BTBD9: variants seen among roughly 807,000 people sequenced by gnomAD.
BTBD9 encodes the protein BTB/POZ domain-containing protein 9.
In BTBD9, 49 loss-of-function variants were observed where a neutral mutation model predicts 64.3. The ratio of observed to expected loss-of-function variants is 0.76; its 90% CI spans 0.61 to 0.97. BTBD9 has a LOEUF of 0.97. BTBD9 is among the 50% of genes least tolerant of loss of function. BTBD9 has a pLI of 0.00. For missense variants in BTBD9, 598 were observed against 762.1 expected (o/e 0.78, Z 2.53); for synonymous variants, 260 against 274.7 (o/e 0.95, Z 0.53).
intron 6 of BTBD9, among the ~76,000 whole-genome samples, chr6:38,549,960 A>G (rs1774725064): frequency 6.6e-6 from 1 of 152,106 alleles, no homozygotes; most frequent in Non-Finnish European, 1.5e-5. Flanking sequence ...CTTGGCTTTC[A>G]AGAAACTATC....
intron 6 of BTBD9, among the ~76,000 whole-genome samples, chr6:38,421,861 A>G (rs538245975): frequency 1.5e-4 from 23 of 152,350 alleles, no homozygotes; most frequent in African/African-American, 5.3e-4. Flanking sequence ...TGGAGAGTAT[A>G]AATATGAAAT....
chr6:38,184,671 C>T lies in BTBD9; in HGVS notation c.1641+7848G>A, dbSNP rs939504385. Among the ~76,000 whole-genome samples the T allele has an allele frequency of 5.3e-5, 8 of 152,120 alleles. 1 individual carries two copies. The highest frequency in any genetic ancestry group is 8.8e-5 in the Non-Finnish European group (6 of 68,012). On this transcript the variant is annotated intron_variant, in intron 10 of 10. Coordinates refer to ENST00000481247, the MANE Select transcript of BTBD9 (RefSeq NM_001099272.2). This position sits in a 1 kb window ranked among gnomAD's most constrained non-coding sequence, Gnocchi z 4.4. Reference sequence around the variant, plus strand: ...ACGATGGTCCTCTGGAGGATGCTGCCGGGGAAATCCTCGGGGGGCCAGAGA... The same window carrying T: ...ACGATGGTCCTCTGGAGGATGCTGCTGGGGAAATCCTCGGGGGGCCAGAGA...
In BTBD9 at chr6:38,435,359, G is replaced by C. The variant is rs1257692554; in HGVS notation, c.1155-90266C>G. 4.0e-5 allele frequency among the ~76,000 whole-genome samples: 6 copies of C among 151,330 alleles called. 1 individual carries two copies. Among genetic ancestry groups the C allele is most frequent in the African/African-American group, 1.5e-4 (6 of 40,868 alleles). ...CTACTAAAAATACAAAAATTAGCCC[G>C]GTGTGGTGGCGGTGCCTGTAATCCC... On this transcript the variant is annotated intron_variant, in intron 6 of 10. Transcript: ENST00000481247.
chr6:38,411,945 G>A (rs1767445061), intron 6 of BTBD9, among the ~76,000 whole-genome samples: 1 of 151,712 alleles, frequency 6.6e-6, no homozygotes, highest in Admixed American at 6.6e-5. Flanking sequence ...ATATATATGT[G>A]TACACACATA....
chr6:38,288,182 T>C lies in BTBD9; in HGVS notation c.1454+90A>G, dbSNP rs776514918. On this transcript the variant is annotated intron_variant, in intron 8 of 10. Transcript: ENST00000481247. ...GCAAAGAACAGTAGAATTTCTTCAC[T>C]GAAGTTATTAGGATTATCATTTTAC... 7.6e-6 allele frequency: 10 copies of C among 1,319,558 alleles called. No homozygotes were observed. In the Admixed American group the frequency reaches 1.7e-4, roughly 22 times the overall value. 81.7% of individuals were successfully genotyped at this position (1,319,558 alleles called of 1,614,324 possible). A position where few individuals can be genotyped will look rare whatever the true frequency, so the allele number is the denominator to read the frequency against.
At chr6:38,600,681 T>C (rs1739631) in intron 1 of BTBD9, among the ~76,000 whole-genome samples, 101,709 of 151,488 alleles carry the variant, frequency 0.67, 34,797 homozygotes, top group African/African-American at 0.82. Flanking sequence ...AATATTTTAT[T>C]GAGGTCATGG....
At chr6:38,272,404 T>G (rs916030075) in intron 8 of BTBD9, among the ~76,000 whole-genome samples, 5 of 152,306 alleles carry the variant, frequency 3.3e-5, no homozygotes, top group African/African-American at 1.2e-4. Flanking sequence ...ACTGTAATTA[T>G]AAAAAGCATT....
At chr6:38,177,668 G>A (rs895364608) in intron 10 of BTBD9, among the ~76,000 whole-genome samples, 2 of 152,336 alleles carry the variant, frequency 1.3e-5, no homozygotes, top group South Asian at 2.1e-4. Flanking sequence ...TGGTGAGCAC[G>A]TGATAGACAT....
chr6:38,473,046 A>G (rs1770719620), intron 6 of BTBD9, among the ~76,000 whole-genome samples: 1 of 152,214 alleles, frequency 6.6e-6, no homozygotes, highest in African/African-American at 2.4e-5. Flanking sequence ...AATGGAAGTG[A>G]GGATTGGCTG....
At chr6:38,348,594 T>C (rs1046731769) in intron 6 of BTBD9, among the ~76,000 whole-genome samples, 1 of 152,178 alleles carries the variant, frequency 6.6e-6, no homozygotes, top group African/African-American at 2.4e-5. Context: ...ACGTGAGCCA[T>C]AGTGTAACAG....
At chr6:38,425,631 C>T (rs1406333405) in intron 6 of BTBD9, among the ~76,000 whole-genome samples, 1 of 151,488 alleles carries the variant, frequency 6.6e-6, no homozygotes, top group Non-Finnish European at 1.5e-5. Flanking sequence ...CCAGGCTGGA[C>T]ATGATAGCTT....
intron 6 of BTBD9, among the ~76,000 whole-genome samples, chr6:38,469,882 G>A (rs983816911): frequency 1.6e-4 from 24 of 152,048 alleles, no homozygotes; most frequent in Non-Finnish European, 2.9e-4. Flanking sequence ...TGAGATACTT[G>A]GAAGCCATAC....
At chr6:38,502,198 T>C (rs1407855143) in intron 6 of BTBD9, among the ~76,000 whole-genome samples, 1 of 152,222 alleles carries the variant, frequency 6.6e-6, no homozygotes, top group African/African-American at 2.4e-5. Flanking sequence ...TGGTCTGTTC[T>C]AACAGAAGAT....
At chr6:38,550,668 C>A (rs913623686) in intron 6 of BTBD9, among the ~76,000 whole-genome samples, 26 of 152,132 alleles carry the variant, frequency 1.7e-4, no homozygotes, top group African/African-American at 6.3e-4. Context: ...ACTGGCTCTA[C>A]CTTTAAAATA....
chr6:38,468,837 G>C (rs1167506444), intron 6 of BTBD9, among the ~76,000 whole-genome samples: 1 of 152,092 alleles, frequency 6.6e-6, no homozygotes, highest in Non-Finnish European at 1.5e-5. Flanking sequence ...CAGAAATACA[G>C]TTTCTATATC....
At chr6:38,438,640 G>A (rs1180025995) in intron 6 of BTBD9, among the ~76,000 whole-genome samples, 2 of 152,208 alleles carry the variant, frequency 1.3e-5, no homozygotes, top group Non-Finnish European at 2.9e-5. Context: ...AAGGAAGGGT[G>A]AAAGTTCATT....
intron 9 of BTBD9, among the ~76,000 whole-genome samples, chr6:38,203,717 G>A (rs1762541604): frequency 6.6e-6 from 1 of 151,816 alleles, no homozygotes; most frequent in South Asian, 2.1e-4. Context: ...TGAAGATAGA[G>A]AACAGAATGA....
chr6:38,296,020 C>T (rs1056538843), intron 7 of BTBD9, among the ~76,000 whole-genome samples: 2 of 152,140 alleles, frequency 1.3e-5, no homozygotes, highest in Non-Finnish European at 2.9e-5. Flanking sequence ...TCCACTCCAG[C>T]CTAGGCAACA....
intron 6 of BTBD9, among the ~76,000 whole-genome samples, chr6:38,474,078 T>C (rs1009085878): frequency 5.9e-5 from 9 of 152,212 alleles, no homozygotes; most frequent in Admixed American, 2.0e-4. Flanking sequence ...AGTTGGGTTT[T>C]ATCTCATACT....
Sources: gnomAD v4.1 joint callset for allele counts (sites outside exome capture counted in the v4.1 genomes callset) on GRCh38, gnomAD v4.1.1 for gene constraint, Gnocchi (gnomAD v3.1) non-coding constraint, MANE v1.5 for transcripts, NCBI Gene and HGNC (gene_info 2026-07-23, HGNC 2026-07-21) for gene names.